The following ZNF483 variants were observed in gnomAD, a reference collection of about 807,000 sequenced individuals.
The protein encoded by ZNF483 is zinc finger protein 483, also known as zinc finger protein HIT-10.
A neutral mutation model predicts 28.6 loss-of-function variants in ZNF483; 9 were observed. The ratio of observed to expected loss-of-function variants is 0.32; its 90% CI spans 0.19 to 0.55. ZNF483 has a LOEUF of 0.55. Among genes scored for constraint, ZNF483 ranks in the 20% least tolerant of loss-of-function variants. The probability of loss-of-function intolerance (pLI) is 0.93; values close to 1 mark genes in which losing one functional copy is unlikely to be tolerated. For synonymous variants in ZNF483, 322 were observed against 306.2 expected (o/e 1.05, Z -0.54); for missense variants, 675 against 871.7 (o/e 0.77, Z 2.84).
intron 5 of ZNF483, among the ~76,000 whole-genome samples, chr9:111,573,449 G>A (rs949177394): frequency 6.6e-6 from 1 of 152,138 alleles, no homozygotes; most frequent in African/African-American, 2.4e-5. Context: ...GTTAACCAGT[G>A]GGGCTATAAG....
At position 111,533,668 on chromosome 9, in the gene ZNF483, T is replaced by C. The variant is rs993789847; in HGVS notation, c.502-71T>C. 17 of 1,452,108 alleles carry C rather than the reference T, an allele frequency of 1.2e-5. No individual in the cohort carries two copies. In the African/African-American group the frequency reaches 2.5e-4, roughly 22 times the overall value. The allele number at this position is 1,452,108 out of a possible 1,614,324, so 90.0% of individuals were successfully genotyped here. A position where few individuals can be genotyped will look rare whatever the true frequency, so the allele number is the denominator to read the frequency against. On this transcript the variant is annotated intron_variant, in intron 3 of 5. Coordinates refer to ENST00000309235, the MANE Select transcript of ZNF483 (RefSeq NM_133464.5). ...CGGGCGACAGAGCCATAATAGCCTG[T>C]CTCAAAAAAAAAAAGTACTTAGGTT...
chr9:111,568,529 C>T (rs533259688), intron 5 of ZNF483, among the ~76,000 whole-genome samples: 1 of 152,252 alleles, frequency 6.6e-6, no homozygotes, highest in African/African-American at 2.4e-5. Context: ...TGATTTTGCC[C>T]TTGTCCTGTT....
intron 5 of ZNF483, chr9:111,562,436 C>G (rs1224419385): frequency 6.6e-6 from 1 of 152,058 alleles, no homozygotes; most frequent in Non-Finnish European, 1.5e-5. Flanking sequence ...CCACCACACT[C>G]AGCTAATTTT....
At position 111,543,206 on chromosome 9, in the gene ZNF483, C is replaced by A. The variant is rs1477111483; in HGVS notation, c.*36C>A. On this transcript the variant is annotated 3_prime_UTR_variant, in exon 6 of 6. Coordinates refer to ENST00000309235, the MANE Select transcript of ZNF483 (RefSeq NM_133464.5). ...ACATTAAAGTGGGGGGAATTTAATTCAAATTGTCAGTTACTGAAACCCTGG... is the reference window on the plus strand; with the variant it reads ...ACATTAAAGTGGGGGGAATTTAATTAAAATTGTCAGTTACTGAAACCCTGG... 2.6e-6 allele frequency: 4 copies of A among 1,547,820 alleles called. No individual in the cohort carries two copies. Among genetic ancestry groups the A allele is most frequent in the Non-Finnish European group, 2.6e-6 (3 of 1,150,066 alleles).
chr9:111,532,542 C>A (rs1195615803), intron 3 of ZNF483, among the ~76,000 whole-genome samples: 1 of 151,996 alleles, frequency 6.6e-6, no homozygotes, highest in African/African-American at 2.4e-5. Context: ...ACAGATTATC[C>A]CCCAGAGCCT....
Position 111,551,946 on chromosome 9 carries a change from T to C in ZNF483, c.*8776T>C, listed in dbSNP as rs1827974613. Among the ~76,000 whole-genome samples, 1 of 152,072 alleles carries C rather than the reference T, an allele frequency of 6.6e-6. No homozygotes were observed. Among genetic ancestry groups the C allele is most frequent in the Non-Finnish European group, 1.5e-5 (1 of 67,992 alleles). The stretch of plus-strand genomic sequence containing the variant: ...TGCAGCCATTTATTACATTTAAAAT[T>C]TTGTGCATATTGTCTCATTTGAAAA... On this transcript the variant is annotated 3_prime_UTR_variant, in exon 6 of 6. Coordinates refer to ENST00000309235, the MANE Select transcript of ZNF483 (RefSeq NM_133464.5).
At chr9:111,571,684 T>G (rs1828829562) in intron 5 of ZNF483, among the ~76,000 whole-genome samples, 2 of 151,280 alleles carry the variant, frequency 1.3e-5, no homozygotes, top group South Asian at 4.2e-4. Context: ...TTGTTTGTTT[T>G]TTCTGTCAGA....
At position 111,541,790 on chromosome 9, in the gene ZNF483, C is replaced by G. The variant is rs761623408; in HGVS notation, c.855C>G (p.Val285=). Residue 285 remains valine (V), a synonymous_variant, in exon 6 of 6, where the codon GTC becomes GTG. Transcript: ENST00000309235. ...ATCAGGGAAATTCAAAAGGAAGAGTCGCACAAAACAAAACTCTTGGGAGTG... is the reference window on the plus strand; with the variant it reads ...ATCAGGGAAATTCAAAAGGAAGAGTGGCACAAAACAAAACTCTTGGGAGTG... The part of the protein sequence containing the change: ...HGNQGNSKGR[V]AQNKTLGSGS... 6.2e-7 allele frequency: 1 copy of G among 1,614,054 alleles called. No homozygotes were observed. The highest frequency in any genetic ancestry group is 8.5e-7 in the Non-Finnish European group (1 of 1,180,022).
intron 5 of ZNF483, chr9:111,576,246 C>T: frequency 1.1e-6 from 1 of 935,338 alleles, no homozygotes. Flanking sequence ...ATTTGCAAGC[C>T]ATATAGAGTT....
At chr9:111,568,586 A>C (rs549331745) in intron 5 of ZNF483, among the ~76,000 whole-genome samples, 2 of 152,152 alleles carry the variant, frequency 1.3e-5, no homozygotes, top group Non-Finnish European at 2.9e-5. Context: ...CCTTTGAAGC[A>C]TGTGATCTTT....
rs919390853 is a variant in ZNF483 at position 111,553,714 on chromosome 9, A to G, written c.*10544A>G. ...GAATTGTAGTTCTATCAAAATAAAGATACGTTTAGTGGAAAAGTATTTGAC... is the reference window on the plus strand; with the variant it reads ...GAATTGTAGTTCTATCAAAATAAAGGTACGTTTAGTGGAAAAGTATTTGAC... On this transcript the variant is annotated 3_prime_UTR_variant, in exon 6 of 6. Transcript: ENST00000309235. 6.6e-6 allele frequency among the ~76,000 whole-genome samples: 1 copy of G among 152,236 alleles called. No individual in the cohort carries two copies. The highest frequency in any genetic ancestry group is 2.1e-4 in the South Asian group (1 of 4,824).
intron 5 of ZNF483, among the ~76,000 whole-genome samples, chr9:111,575,654 T>C (rs1829023946): frequency 6.6e-6 from 1 of 152,128 alleles, no homozygotes; most frequent in East Asian, 1.9e-4. Flanking sequence ...AGAGGAAAAA[T>C]AGTCCTTTCA....
At chr9:111,561,138 G>GAGAGAGAGA (rs1446000883) in intron 5 of ZNF483, among the ~76,000 whole-genome samples, 1 of 20,090 alleles carries the variant, frequency 5.0e-5, no homozygotes, top group African/African-American at 3.7e-4. Flanking sequence ...GAGAGAGAGA[G>GAGAGAGAGA]GAGAGAGAGG....
intron 5 of ZNF483, chr9:111,563,346 G>A: frequency 9.4e-7 from 1 of 1,061,258 alleles, no homozygotes; most frequent in Middle Eastern, 2.9e-4. Flanking sequence ...GAAAATAAGA[G>A]ATGGAAGTCC....
rs2132227633 is a variant in ZNF483, at chr9:111,532,172, A to C, written c.501+1209A>C. On this transcript the variant is annotated intron_variant, in intron 3 of 5. Coordinates refer to ENST00000309235, the MANE Select transcript of ZNF483 (RefSeq NM_133464.5). Reference sequence around the variant, plus strand: ...AAAAAATTTTAAAAATTAGCTGGGCATAGTCACATACCTGTGGTCTCAGCT... The same window carrying C: ...AAAAAATTTTAAAAATTAGCTGGGCCTAGTCACATACCTGTGGTCTCAGCT... 2.0e-5 allele frequency among the ~76,000 whole-genome samples: 3 copies of C among 152,208 alleles called. No homozygotes were observed. In the South Asian group the frequency reaches 6.2e-4, roughly 32 times the overall value.
intron 5 of ZNF483, among the ~76,000 whole-genome samples, chr9:111,566,612 A>T (rs892615420): frequency 2.0e-5 from 3 of 152,168 alleles, no homozygotes; most frequent in African/African-American, 7.2e-5. Flanking sequence ...GGACTAAGGG[A>T]TTGTCTTATT....
At chr9:111,556,213 T>C (rs1215436416), downstream of ZNF483, among the ~76,000 whole-genome samples, 4 of 152,188 alleles carry the variant, frequency 2.6e-5, no homozygotes, top group African/African-American at 7.2e-5. Flanking sequence ...ATGTCTCACA[T>C]CTAGGGCATG....
rs1407699458 is a variant in ZNF483, at chr9:111,548,600, A to G, written c.*5430A>G. On this transcript the variant is annotated 3_prime_UTR_variant, in exon 6 of 6. Coordinates refer to ENST00000309235, the MANE Select transcript of ZNF483 (RefSeq NM_133464.5). ...TAATTTGGATGGCTTTAACTTGCCA[A>G]TGGCTCTAGCTAGGACTTCCAGTAC... 1.3e-5 allele frequency among the ~76,000 whole-genome samples: 2 copies of G among 152,340 alleles called. No individual in the cohort carries two copies. The highest frequency in any genetic ancestry group is 4.8e-5 in the African/African-American group (2 of 41,586).
Position 111,525,266 on chromosome 9 carries a change from C to T in ZNF483, c.-129+4C>T, listed in dbSNP as rs1386334273. 1.3e-5 allele frequency: 2 copies of T among 152,222 alleles called. No homozygotes were observed. Among genetic ancestry groups the T allele is most frequent in the Non-Finnish European group, 2.9e-5 (2 of 68,050 alleles). 9.4% of individuals were successfully genotyped at this position (152,222 alleles called of 1,614,324 possible). A position where few individuals can be genotyped will look rare whatever the true frequency, so the allele number is the denominator to read the frequency against. Reference sequence around the variant, plus strand: ...CTGTTTGCGGATGCTGATGCAGGTACTGGTCGTCCCGGGCCCCGAGTTTCG... The same window carrying T: ...CTGTTTGCGGATGCTGATGCAGGTATTGGTCGTCCCGGGCCCCGAGTTTCG... On this transcript the variant is annotated splice_donor_region_variant and intron_variant, in intron 1 of 5. Coordinates refer to ENST00000309235, the MANE Select transcript of ZNF483 (RefSeq NM_133464.5).
Sources: gnomAD v4.1 joint callset for allele counts (sites outside exome capture counted in the v4.1 genomes callset) on GRCh38, gnomAD v4.1.1 for gene constraint, MANE v1.5 for transcripts, NCBI Gene and HGNC (gene_info 2026-07-23, HGNC 2026-07-21) for gene names.